Variants in PRMT2 observed in about 807,000 individuals in gnomAD.
PRMT2 encodes the protein protein arginine N-methyltransferase 2.
PRMT2 carries 26 observed loss-of-function variants against 57.6 expected under a neutral mutation model. The ratio of observed to expected loss-of-function variants is 0.45; its 90% CI spans 0.33 to 0.63. PRMT2 has a LOEUF of 0.63. PRMT2 is among the 20% of genes least tolerant of loss of function. The probability of loss-of-function intolerance (pLI) is 0.02; values close to 1 mark genes in which losing one functional copy is unlikely to be tolerated. For missense variants in PRMT2, 472 were observed against 564.4 expected (o/e 0.84, Z 1.66); for synonymous variants, 219 against 220.0 (o/e 1.00, Z 0.04).
chr21:46,652,049 G>A (rs764074056), intron 7 of PRMT2: 2 of 1,610,604 alleles, frequency 1.2e-6, no homozygotes, highest in Admixed American at 1.7e-5. Context: ...AAGAGTGCAT[G>A]TGCGTTTAGC....
chr21:46,638,226 G>A (rs2061209822), intron 3 of PRMT2, among the ~76,000 whole-genome samples: 1 of 152,036 alleles, frequency 6.6e-6, no homozygotes, highest in African/African-American at 2.4e-5. Context: ...CTTTACCTTT[G>A]GGGAAGTTGT....
Position 46,644,291 on chromosome 21 carries a change from C to CTT in PRMT2, c.145-6_145-5dup. ...GACTGGTTTTCTTATTGAATTTTAA[C>CTT]TTTTTTTTTTCCAGCTCAGTTTTTT... On this transcript the variant is annotated splice_polypyrimidine_tract_variant and intron_variant, in intron 4 of 11. Transcript: ENST00000355680. 2.0e-6 allele frequency: 3 copies of CTT among 1,481,054 alleles called. No individual in the cohort carries two copies. The highest frequency in any genetic ancestry group is 3.9e-5 in the Admixed American group (2 of 51,852). 91.7% of individuals were successfully genotyped at this position (1,481,054 alleles called of 1,614,324 possible). A position where few individuals can be genotyped will look rare whatever the true frequency, so the allele number is the denominator to read the frequency against.
chr21:46,654,505 GA>G (rs1044664727), intron 7 of PRMT2, among the ~76,000 whole-genome samples: 7 of 152,104 alleles, frequency 4.6e-5, no homozygotes, highest in African/African-American at 1.4e-4. Flanking sequence ...GAGGACTCTG[GA>G]ACAAAGACAT....
intron 7 of PRMT2, among the ~76,000 whole-genome samples, chr21:46,650,239 G>A (rs909719029): frequency 2.0e-5 from 3 of 151,900 alleles, no homozygotes; most frequent in East Asian, 3.9e-4. Context: ...CTGCACAAAC[G>A]CTGTCTGCTT....
At chr21:46,643,671 C>T in intron 4 of PRMT2, 32 bp downstream of exon 4, 1 of 1,568,986 alleles carries the variant, frequency 6.4e-7, no homozygotes, top group Non-Finnish European at 8.6e-7. Flanking sequence ...TGCTTTATGG[C>T]TTTCAGCATG....
chr21:46,638,439 T>C (rs1348304669), intron 3 of PRMT2, among the ~76,000 whole-genome samples: 1 of 152,248 alleles, frequency 6.6e-6, no homozygotes, highest in East Asian at 1.9e-4. Flanking sequence ...TTTTTTCTAT[T>C]TCAAACAATG....
Position 46,649,490 on chromosome 21 carries a change from T to C in PRMT2, c.490-85T>C. On this transcript the variant is annotated intron_variant, in intron 6 of 11. Transcript: ENST00000355680. This position sits in a 1 kb window ranked among gnomAD's most constrained non-coding sequence, Gnocchi z 4.8. ...TCCCTCTTGTGTCATTGACCATTTC[T>C]CGTGATGCTGGTTGTGACTCAGGAG... 1.3e-6 allele frequency: 2 copies of C among 1,598,306 alleles called. No individual in the cohort carries two copies. The highest frequency in any genetic ancestry group is 1.7e-6 in the Non-Finnish European group (2 of 1,167,874).
At chr21:46,636,798 T>C in intron 2 of PRMT2, 98 bp from the exon 3 acceptor site, 1 of 648,716 alleles carries the variant, frequency 1.5e-6, no homozygotes, top group Non-Finnish European at 2.6e-6. Flanking sequence ...ATTTTACTTC[T>C]ATTTGGTAGA....
At chr21:46,657,040 A>G (rs539251824) in intron 7 of PRMT2, 3 of 152,246 alleles carry the variant, frequency 2.0e-5, no homozygotes, top group Non-Finnish European at 2.9e-5. Context: ...ACAGATATCA[A>G]ATACACACAT....
At chr21:46,653,481 G>C (rs2061492192) in intron 7 of PRMT2, 8 of 1,010,064 alleles carry the variant, frequency 7.9e-6, no homozygotes, top group Non-Finnish European at 9.5e-6. Flanking sequence ...AAGAGGATAA[G>C]CGTAAACACG....
intron 7 of PRMT2, among the ~76,000 whole-genome samples, chr21:46,656,249 A>T (rs2061540408): frequency 6.6e-6 from 1 of 152,210 alleles, no homozygotes; most frequent in South Asian, 2.1e-4. Context: ...GTGAGGGGAA[A>T]TAGCCTGAAG....
chr21:46,643,660 A>C, intron 4 of PRMT2, 21 bp downstream of exon 4: 1 of 1,584,030 alleles, frequency 6.3e-7, no homozygotes, highest in Non-Finnish European at 8.5e-7. Flanking sequence ...GTGGTGGTTA[A>C]TGCTTTATGG....
At chr21:46,658,459 A>G (rs940934182) in intron 7 of PRMT2, 1 of 328,954 alleles carries the variant, frequency 3.0e-6, no homozygotes, top group Non-Finnish European at 5.5e-6. Context: ...CGTGACTGAG[A>G]TGGGACAAGA....
chr21:46,661,865 GT>G lies in PRMT2; in HGVS notation c.1029del (p.Phe343LeufsTer34). The G allele has an allele frequency of 6.7e-7, 1 of 1,499,090 alleles. No homozygotes were observed. 92.9% of individuals were successfully genotyped at this position (1,499,090 alleles called of 1,614,324 possible). A position where few individuals can be genotyped will look rare whatever the true frequency, so the allele number is the denominator to read the frequency against. On this transcript the variant is annotated frameshift_variant, in exon 10 of 12. Coordinates refer to ENST00000355680, the MANE Select transcript of PRMT2 (RefSeq NM_206962.4). LOFTEE classifies it high-confidence loss of function. The part of the protein sequence containing the change: ...AGTLHGFTAW[F>X]SVHFQSLQEG... ...GGACCCTGCACGGCTTCACGGCCTG[GT>G]TTAGCGTCCACTTCCAGAGCCTGCA...
chr21:46,661,494 C>T (rs964635464), intron 9 of PRMT2: 3 of 225,236 alleles, frequency 1.3e-5, no homozygotes, highest in Non-Finnish European at 2.6e-5. Context: ...TTAGTTCGTT[C>T]TGCTGTGGAA....
At position 46,650,000 on chromosome 21, in the gene PRMT2, C is replaced by T; in HGVS notation, c.654+261C>T. 7.1e-7 allele frequency: 1 copy of T among 1,411,460 alleles called. No individual in the cohort carries two copies. The highest frequency in any genetic ancestry group is 9.3e-7 in the Non-Finnish European group (1 of 1,077,616). 87.4% of individuals were successfully genotyped at this position (1,411,460 alleles called of 1,614,324 possible). ...AGTGATTTACATGAACTGTGTTCTC[C>T]TCGGGGATCTGTAAAAATCCTGTGC... On this transcript the variant is annotated intron_variant, in intron 7 of 11. Coordinates refer to ENST00000355680, the MANE Select transcript of PRMT2 (RefSeq NM_206962.4). The surrounding 1 kb of genome is among the most constrained non-coding windows in gnomAD (Gnocchi z 4.8).
chr21:46,660,999 T>A (rs373303953), intron 9 of PRMT2, 37 bp downstream of exon 9: 28 of 1,595,550 alleles, frequency 1.8e-5, no homozygotes, highest in Non-Finnish European at 2.1e-5. Flanking sequence ...CATTCGATAA[T>A]CAGTGACCAC....
At chr21:46,661,077 C>T in intron 9 of PRMT2, 115 bp downstream of exon 9, 1 of 1,017,478 alleles carries the variant, frequency 9.8e-7, no homozygotes, top group East Asian at 2.7e-5. Flanking sequence ...GAGTGAATAA[C>T]TAATTATTTT....
chr21:46,652,162 C>G (rs961905449), intron 7 of PRMT2: 5 of 1,432,298 alleles, frequency 3.5e-6, no homozygotes, highest in East Asian at 5.0e-5. Context: ...TTCACACCAT[C>G]TGCTAAAATA....
Sources: gnomAD v4.1 joint callset for allele counts (sites outside exome capture counted in the v4.1 genomes callset) on GRCh38, gnomAD v4.1.1 for gene constraint, Gnocchi (gnomAD v3.1) non-coding constraint, MANE v1.5 for transcripts, NCBI Gene and HGNC (gene_info 2026-07-23, HGNC 2026-07-21) for gene names.